Variants in ANGPT1 observed in about 807,000 individuals in gnomAD.
ANGPT1 encodes the protein angiopoietin-1.
Under a neutral mutation model 62.2 loss-of-function variants are expected in ANGPT1, and 17 were observed. That is an observed-to-expected ratio of 0.27 (90% CI 0.19 to 0.41). The LOEUF is 0.41. Ranked by LOEUF, ANGPT1 falls within the 10% of genes least tolerant of loss-of-function variation. The pLI, the probability that ANGPT1 is intolerant of heterozygous loss-of-function variation, is 1.00. For missense variants in ANGPT1, 478 were observed against 594.9 expected, an observed-to-expected ratio of 0.80 and a Z score of 2.04; for synonymous variants, 199 against 198.9, an observed-to-expected ratio of 1.00 and a Z score of 0.00.
At chr8:107,383,508 C>A (rs1816677894) in intron 1 of ANGPT1, among the ~76,000 whole-genome samples, 1 of 152,146 alleles carries the variant, frequency 6.6e-6, no homozygotes, top group African/African-American at 2.4e-5. Flanking sequence ...GGCAGCAAGT[C>A]ATACTTCAAG....
chr8:107,483,623 C>T (rs1001397154), intron 1 of ANGPT1, among the ~76,000 whole-genome samples: 2 of 152,036 alleles, frequency 1.3e-5, no homozygotes, highest in East Asian at 1.9e-4. Context: ...TAAGTGATGA[C>T]TCTTCCCCAG....
intron 7 of ANGPT1, among the ~76,000 whole-genome samples, chr8:107,281,636 G>A (rs1057270034): frequency 1.3e-5 from 2 of 152,076 alleles, no homozygotes; most frequent in African/African-American, 4.8e-5. Context: ...AAATTAGCCA[G>A]GCATGGTGGC....
At chr8:107,458,001 T>G (rs113549864) in intron 1 of ANGPT1, among the ~76,000 whole-genome samples, 3 of 152,218 alleles carry the variant, frequency 2.0e-5, no homozygotes, top group Admixed American at 6.6e-5. Flanking sequence ...TATGATCATA[T>G]TGAGTGTGAA....
At chr8:107,358,273 C>A (rs1816089703) in intron 1 of ANGPT1, among the ~76,000 whole-genome samples, 1 of 151,902 alleles carries the variant, frequency 6.6e-6, no homozygotes, top group Non-Finnish European at 1.5e-5. Context: ...TTTAAATTAC[C>A]CTTGGTCCAA....
Position 107,301,337 on chromosome 8 carries a change from T to C in ANGPT1, c.936+1903A>G, listed in dbSNP as rs374570076. On this transcript the variant is annotated intron_variant, in intron 5 of 8. Coordinates refer to ENST00000517746, the MANE Select transcript of ANGPT1 (RefSeq NM_001146.5). Reference sequence around the variant, plus strand: ...AACTGACAATAATTTAGAGGTTCTTTCAGGTCTTGAGTAGTACTGTAGGTA... The same window carrying C: ...AACTGACAATAATTTAGAGGTTCTTCCAGGTCTTGAGTAGTACTGTAGGTA... 2.6e-5 allele frequency among the ~76,000 whole-genome samples: 4 copies of C among 152,076 alleles called. No individual in the cohort carries two copies. In the South Asian group the frequency reaches 6.2e-4, roughly 24 times the overall value.
chr8:107,260,210 C>T lies in ANGPT1; in HGVS notation c.1336+4011G>A, dbSNP rs369653194. On this transcript the variant is annotated intron_variant, in intron 8 of 8. Transcript: ENST00000517746. ...TATTTCCTGCCATTCAGTCTTTTACCGATAAGGGTAATGATACCAGATTCT... is the reference window on the plus strand; with the variant it reads ...TATTTCCTGCCATTCAGTCTTTTACTGATAAGGGTAATGATACCAGATTCT... 2.3e-3 allele frequency among the ~76,000 whole-genome samples: 343 copies of T among 152,092 alleles called. 15 individuals are homozygous for T. In the South Asian group the frequency reaches 0.068, roughly 30 times the overall value.
At chr8:107,452,214 T>A (rs1447929700) in intron 1 of ANGPT1, among the ~76,000 whole-genome samples, 1 of 151,356 alleles carries the variant, frequency 6.6e-6, no homozygotes, top group African/African-American at 2.4e-5. Flanking sequence ...CAGAGAGATG[T>A]GTACCAAATT....
chr8:107,333,988 G>A (rs1400761956), intron 3 of ANGPT1, among the ~76,000 whole-genome samples: 2,999 of 54,040 alleles, frequency 0.055, 107 homozygotes, highest in African/African-American at 0.16. Flanking sequence ...GAGGGAGGGA[G>A]GGAGGGAGGG....
chr8:107,496,749 A>G (rs111855217), intron 1 of ANGPT1, among the ~76,000 whole-genome samples: 3 of 152,112 alleles, frequency 2.0e-5, no homozygotes, highest in Admixed American at 6.5e-5. Flanking sequence ...TAAATATACA[A>G]TTTCTCCAAC....
intron 1 of ANGPT1, among the ~76,000 whole-genome samples, chr8:107,380,394 A>G (rs566869825): frequency 6.8e-6 from 1 of 146,330 alleles, no homozygotes. Flanking sequence ...TGTGTCCTGC[A>G]CAAAAACACA....
chr8:107,303,575 C>A (rs1462460996), intron 4 of ANGPT1, among the ~76,000 whole-genome samples: 1 of 123,964 alleles, frequency 8.1e-6, no homozygotes, highest in Admixed American at 7.9e-5. Context: ...AGCTGTAGAG[C>A]CATTTTTAAC....
intron 2 of ANGPT1, among the ~76,000 whole-genome samples, chr8:107,341,370 T>C (rs1381606457): frequency 6.6e-6 from 1 of 152,046 alleles, no homozygotes; most frequent in Non-Finnish European, 1.5e-5. Context: ...GCCCAGTTTC[T>C]TAAGAATGTC....
At chr8:107,286,342 CT>C (rs1027761755) in intron 6 of ANGPT1, among the ~76,000 whole-genome samples, 1 of 151,982 alleles carries the variant, frequency 6.6e-6, no homozygotes, top group Non-Finnish European at 1.5e-5. Context: ...ATTAGTAAAA[CT>C]TTTTTTAAAA....
chr8:107,378,905 T>C (rs1389704547), intron 1 of ANGPT1, among the ~76,000 whole-genome samples: 2 of 146,740 alleles, frequency 1.4e-5, no homozygotes, highest in Non-Finnish European at 3.0e-5. Context: ...AGTGTGAAAA[T>C]GAACAAATAT....
chr8:107,354,074 T>G (rs1489884327), intron 1 of ANGPT1, among the ~76,000 whole-genome samples: 1 of 152,128 alleles, frequency 6.6e-6, no homozygotes, highest in Admixed American at 6.6e-5. Flanking sequence ...GGGACCACAT[T>G]CTTGTGGCTG....
chr8:107,487,314 C>A (rs556031333), intron 1 of ANGPT1, among the ~76,000 whole-genome samples: 6 of 152,164 alleles, frequency 3.9e-5, no homozygotes, highest in Non-Finnish European at 7.4e-5. Context: ...TTTGTCTTGC[C>A]TGGTCTGAGG....
At chr8:107,319,965 T>C (rs1293701634) in intron 4 of ANGPT1, among the ~76,000 whole-genome samples, 1 of 152,184 alleles carries the variant, frequency 6.6e-6, no homozygotes. Flanking sequence ...GCAAATCCTG[T>C]AGTTAAATCA....
intron 1 of ANGPT1, among the ~76,000 whole-genome samples, chr8:107,492,345 AT>A (rs1000470367): frequency 6.6e-6 from 1 of 151,842 alleles, no homozygotes; most frequent in Non-Finnish European, 1.5e-5. Context: ...TATCTACTTT[AT>A]TTTTTTTGAG....
chr8:107,303,155 T>C, intron 5 of ANGPT1, 85 bp downstream of exon 5: 1 of 1,489,628 alleles, frequency 6.7e-7, no homozygotes, highest in Non-Finnish European at 9.3e-7. Context: ...ATTTCCAGTT[T>C]AACAAGCTCA....
Sources: allele counts gnomAD v4.1 joint callset (sites outside exome capture counted in the v4.1 genomes callset), GRCh38; gene constraint gnomAD v4.1.1; transcripts MANE v1.5; gene names NCBI Gene and HGNC (gene_info 2026-07-23, HGNC 2026-07-21).